BMAL1: variants seen among roughly 807,000 people sequenced by gnomAD.
The protein encoded by BMAL1 is basic helix-loop-helix ARNT like 1, also known as basic helix-loop-helix ARNT-like protein 1.
the BMAL1 span, chr11:13,355,194 AC>A: frequency 1.3e-6 from 2 of 1,598,288 alleles, no homozygotes; most frequent in South Asian, 1.1e-5. Flanking sequence ...GAGGAGGTAT[AC>A]CCCCTACAGC....
the BMAL1 span, among the ~76,000 whole-genome samples, chr11:13,376,145 G>A: frequency 6.6e-6 from 1 of 152,326 alleles, no homozygotes; most frequent in Admixed American, 6.5e-5. Flanking sequence ...CTGAGGATGG[G>A]GAGGTCTCCA....
chr11:13,308,670 C>T, the BMAL1 span, among the ~76,000 whole-genome samples: 2 of 152,040 alleles, frequency 1.3e-5, no homozygotes, highest in Non-Finnish European at 1.5e-5. Flanking sequence ...TGCTGTTGGA[C>T]CTAAGCTTAA....
the BMAL1 span, among the ~76,000 whole-genome samples, chr11:13,299,386 T>C: frequency 2.6e-5 from 4 of 152,066 alleles, no homozygotes; most frequent in Non-Finnish European, 5.9e-5. Context: ...AGCTGGCCTG[T>C]AAGGGATCTG....
the BMAL1 span, among the ~76,000 whole-genome samples, chr11:13,360,975 G>A: frequency 3.3e-5 from 5 of 152,168 alleles, no homozygotes; most frequent in Admixed American, 2.0e-4. Flanking sequence ...AATTAGCTGG[G>A]TGTGGTGGCA....
chr11:13,290,544 G>A, the BMAL1 span, among the ~76,000 whole-genome samples: 1 of 148,080 alleles, frequency 6.8e-6, no homozygotes, highest in Non-Finnish European at 1.5e-5. Context: ...ATTTCTGCCA[G>A]CATTACAAGT....
the BMAL1 span, among the ~76,000 whole-genome samples, chr11:13,326,226 A>G: frequency 1.3e-5 from 2 of 151,998 alleles, no homozygotes; most frequent in African/African-American, 4.8e-5. Flanking sequence ...GAGTAGAACA[A>G]GGAGTTTGAT....
the BMAL1 span, among the ~76,000 whole-genome samples, chr11:13,338,916 C>G: frequency 6.6e-6 from 1 of 152,242 alleles, no homozygotes; most frequent in Non-Finnish European, 1.5e-5. Flanking sequence ...GGTGACTGCT[C>G]TGTTTCACCT....
At chr11:13,363,173 A>G in the BMAL1 span, among the ~76,000 whole-genome samples, 27 of 124,214 alleles carry the variant, frequency 2.2e-4, no homozygotes, top group Non-Finnish European at 1.0e-4. Flanking sequence ...TATATGTAAA[A>G]TAATTATCAA....
the BMAL1 span, among the ~76,000 whole-genome samples, chr11:13,373,461 C>A: frequency 6.6e-6 from 1 of 152,162 alleles, no homozygotes; most frequent in Non-Finnish European, 1.5e-5. Context: ...AAACTAGAAG[C>A]CTTGCACTGA....
chr11:13,355,460 G>A, the BMAL1 span, among the ~76,000 whole-genome samples: 2 of 152,344 alleles, frequency 1.3e-5, no homozygotes, highest in East Asian at 3.9e-4. Context: ...AGCCACTGAT[G>A]TGTTCTAAGG....
the BMAL1 span, among the ~76,000 whole-genome samples, chr11:13,316,334 G>T: frequency 3.3e-5 from 5 of 152,144 alleles, no homozygotes; most frequent in Non-Finnish European, 7.3e-5. Flanking sequence ...TGTGTGTGTG[G>T]ATGTGTGCTT....
chr11:13,360,066 A>C, the BMAL1 span, among the ~76,000 whole-genome samples: 1 of 152,128 alleles, frequency 6.6e-6, no homozygotes, highest in African/African-American at 2.4e-5. Flanking sequence ...AGATTGTTAA[A>C]CTTCCTTCTA....
At chr11:13,378,622 C>T in the BMAL1 span, 167 of 772,672 alleles carry the variant, frequency 2.2e-4, 1 homozygote, top group East Asian at 4.7e-3. Context: ...GTTAAACATC[C>T]TACAGTAAAC....
the BMAL1 span, among the ~76,000 whole-genome samples, chr11:13,285,058 C>T: frequency 0.25 from 37,657 of 152,002 alleles, 5,032 homozygotes; most frequent in East Asian, 0.46. Context: ...CTTCCTTGCC[C>T]GTGCCTGCCT....
the BMAL1 span, among the ~76,000 whole-genome samples, chr11:13,332,855 C>G: frequency 1.3e-5 from 2 of 152,158 alleles, no homozygotes; most frequent in South Asian, 4.2e-4. Flanking sequence ...AGCCTGCGAA[C>G]TGGAATGACC....
At chr11:13,374,048 A>G in the BMAL1 span, 1 of 1,567,586 alleles carries the variant, frequency 6.4e-7, no homozygotes, top group East Asian at 2.2e-5. Flanking sequence ...GCAATTAATC[A>G]TCTGAATGGC....
the BMAL1 span, among the ~76,000 whole-genome samples, chr11:13,298,201 T>G: frequency 1.1e-4 from 16 of 152,232 alleles, no homozygotes; most frequent in African/African-American, 3.6e-4. Context: ...CAGCTGTACA[T>G]GCTGCTCCTA....
At chr11:13,321,581 C>T in the BMAL1 span, among the ~76,000 whole-genome samples, 1 of 152,170 alleles carries the variant, frequency 6.6e-6, no homozygotes, top group Non-Finnish European at 1.5e-5. Flanking sequence ...CATATGAGAA[C>T]ACTGCCTGCC....
the BMAL1 span, among the ~76,000 whole-genome samples, chr11:13,367,714 A>AG: frequency 6.6e-6 from 1 of 151,342 alleles, no homozygotes; most frequent in South Asian, 2.1e-4. Context: ...CAGAAAAAAA[A>AG]AAAAAAAAAA....
Sources: allele counts gnomAD v4.1 joint callset (sites outside exome capture counted in the v4.1 genomes callset), GRCh38; gene constraint gnomAD v4.1.1; transcripts MANE v1.5; gene names NCBI Gene and HGNC (gene_info 2026-07-23, HGNC 2026-07-21).